RORA: variants seen among roughly 807,000 people sequenced by gnomAD.
RORA encodes the protein nuclear receptor ROR-alpha.
Under a neutral mutation model 69.5 loss-of-function variants are expected in RORA, and 7 were observed. The observed-to-expected ratio is 0.10, with a 90% CI of 0.06 to 0.19. The LOEUF (loss-of-function observed/expected upper bound fraction) is 0.19, where lower values mean the gene tolerates loss of function less well. RORA is among the 10% of genes least tolerant of loss of function. The pLI is 1.00. For missense variants in RORA, 457 were observed against 663.0 expected, an observed-to-expected ratio of 0.69 and a Z score of 3.41; for synonymous variants, 261 against 240.8, an observed-to-expected ratio of 1.08 and a Z score of -0.78.
intron 1 of RORA, among the ~76,000 whole-genome samples, chr15:61,115,262 T>A (rs1033347796): frequency 7.6e-5 from 11 of 144,020 alleles, no homozygotes; most frequent in African/African-American, 2.9e-4. Flanking sequence ...CCATGAAGGC[T>A]TGGTAATGGA....
chr15:60,928,465 C>G (rs1892279251), intron 1 of RORA, among the ~76,000 whole-genome samples: 1 of 152,194 alleles, frequency 6.6e-6, no homozygotes, highest in Admixed American at 6.5e-5. Flanking sequence ...GTATGCCTGC[C>G]TTCCCCTTGG....
intron 1 of RORA, among the ~76,000 whole-genome samples, chr15:60,865,993 C>T (rs768953681): frequency 1.1e-4 from 15 of 137,916 alleles, no homozygotes; most frequent in Non-Finnish European, 1.6e-4. Context: ...TACAAACATA[C>T]AATATATAGT....
chr15:61,043,725 A>C (rs1318832418), intron 1 of RORA, among the ~76,000 whole-genome samples: 1 of 152,192 alleles, frequency 6.6e-6, no homozygotes, highest in African/African-American at 2.4e-5. Context: ...AAAAGCACAG[A>C]GTGCAGGGGC....
At chr15:60,917,074 C>G (rs1048923510) in intron 1 of RORA, among the ~76,000 whole-genome samples, 2 of 152,180 alleles carry the variant, frequency 1.3e-5, no homozygotes, top group Non-Finnish European at 2.9e-5. Flanking sequence ...AACAGAGGAG[C>G]TGCTTCAACA....
intron 1 of RORA, among the ~76,000 whole-genome samples, chr15:61,037,906 G>C (rs957808017): frequency 3.3e-5 from 5 of 152,170 alleles, no homozygotes; most frequent in African/African-American, 9.7e-5. Context: ...GCCATTGTGA[G>C]AGATCAATAA....
At chr15:60,539,069 A>T (rs894422642) in intron 2 of RORA, among the ~76,000 whole-genome samples, 8 of 152,246 alleles carry the variant, frequency 5.3e-5, no homozygotes, top group Non-Finnish European at 1.0e-4. Flanking sequence ...AACTAAATTT[A>T]AAATAAGACA....
At chr15:61,218,337 G>T (rs985401997) in intron 1 of RORA, among the ~76,000 whole-genome samples, 4 of 152,160 alleles carry the variant, frequency 2.6e-5, no homozygotes, top group Middle Eastern at 6.8e-3. Flanking sequence ...AATGACCCTT[G>T]TTTTACCGGC....
At chr15:60,879,461 C>T (rs924906104) in intron 1 of RORA, among the ~76,000 whole-genome samples, 24 of 152,046 alleles carry the variant, frequency 1.6e-4, no homozygotes, top group Non-Finnish European at 2.6e-4. Context: ...ATTAGCTGCT[C>T]GTGTTAGTGT....
At chr15:60,701,182 G>A (rs2070976515) in intron 1 of RORA, among the ~76,000 whole-genome samples, 1 of 152,132 alleles carries the variant, frequency 6.6e-6, no homozygotes, top group Non-Finnish European at 1.5e-5. Flanking sequence ...TAAGTACACG[G>A]ACAATATCTT....
intron 1 of RORA, among the ~76,000 whole-genome samples, chr15:61,173,762 C>A (rs2140895994): frequency 6.6e-6 from 1 of 152,292 alleles, no homozygotes; most frequent in African/African-American, 2.4e-5. Flanking sequence ...TTCAAGAGAT[C>A]CTCACACCTC....
chr15:60,745,653 CTTG>C (rs2071636666), intron 1 of RORA, among the ~76,000 whole-genome samples: 1 of 152,226 alleles, frequency 6.6e-6, no homozygotes. Context: ...ACACATCTGT[CTTG>C]TTGGCCTGTG....
intron 1 of RORA, among the ~76,000 whole-genome samples, chr15:61,217,705 T>C (rs2080053489): frequency 6.6e-6 from 1 of 152,070 alleles, no homozygotes; most frequent in Non-Finnish European, 1.5e-5. Context: ...AGTAAATATA[T>C]GTTGAATGAA....
intron 1 of RORA, among the ~76,000 whole-genome samples, chr15:61,009,466 C>T (rs1384540821): frequency 1.3e-5 from 2 of 152,086 alleles, no homozygotes; most frequent in Non-Finnish European, 2.9e-5. Context: ...TTGATTCATC[C>T]GTACGATACA....
intron 1 of RORA, among the ~76,000 whole-genome samples, chr15:61,046,105 G>A (rs73424346): frequency 0.013 from 1,990 of 152,250 alleles, 45 homozygotes; most frequent in African/African-American, 0.043. Flanking sequence ...GGAAGTGAGA[G>A]GAAGCAGTTA....
chr15:60,995,761 C>T (rs1894514159), intron 1 of RORA, among the ~76,000 whole-genome samples: 1 of 152,212 alleles, frequency 6.6e-6, no homozygotes, highest in Non-Finnish European at 1.5e-5. Context: ...TTCACTAACA[C>T]CAAATAGTAC....
At chr15:60,738,990 G>A (rs1270276404) in intron 1 of RORA, among the ~76,000 whole-genome samples, 15 of 152,142 alleles carry the variant, frequency 9.9e-5, no homozygotes, top group Admixed American at 9.2e-4. Context: ...GTCCGATTAG[G>A]GGCCCACCCT....
chr15:60,592,252 T>A (rs1191597611), intron 2 of RORA: 3 of 529,832 alleles, frequency 5.7e-6, no homozygotes, highest in Non-Finnish European at 8.2e-6. Flanking sequence ...CAGAAGGCCC[T>A]GGCAGGGCCC....
intron 1 of RORA, among the ~76,000 whole-genome samples, chr15:61,193,667 A>G (rs1303540716): frequency 6.6e-6 from 1 of 152,216 alleles, no homozygotes; most frequent in Non-Finnish European, 1.5e-5. Flanking sequence ...TAATAATAGC[A>G]GCTCCATTTG....
At chr15:60,613,242 C>T (rs771827353) in intron 2 of RORA, among the ~76,000 whole-genome samples, 60 of 152,220 alleles carry the variant, frequency 3.9e-4, no homozygotes, top group Non-Finnish European at 7.4e-4. Context: ...ACATTTGTTT[C>T]GTATCTCTGT....
Sources: gnomAD v4.1 joint callset for allele counts (sites outside exome capture counted in the v4.1 genomes callset) on GRCh38, gnomAD v4.1.1 for gene constraint, MANE v1.5 for transcripts, NCBI Gene and HGNC (gene_info 2026-07-23, HGNC 2026-07-21) for gene names.